The following CCN5 variants were observed in gnomAD, a reference collection of about 807,000 sequenced individuals.
CCN5 encodes cellular communication network factor 5.
In CCN5, 17 loss-of-function variants were observed where a neutral mutation model predicts 18.7. That is an observed-to-expected ratio of 0.91 (90% confidence interval 0.62 to 1.36). CCN5 has a LOEUF of 1.36. Among genes scored for constraint, CCN5 ranks in the 40% most tolerant of loss-of-function variants. The pLI is 0.00. For missense variants in CCN5, 367 were observed against 342.9 expected (o/e 1.07, Z -0.56); for synonymous variants, 135 against 145.2 (o/e 0.93, Z 0.50).
At chr20:44,715,720 TG>T (rs2065855377) in intron 1 of CCN5, among the ~76,000 whole-genome samples, 2 of 152,250 alleles carry the variant, frequency 1.3e-5, no homozygotes, top group African/African-American at 4.8e-5. Flanking sequence ...GTGAGGCCTC[TG>T]TGAAGACCAT....
intron 1 of CCN5, among the ~76,000 whole-genome samples, chr20:44,717,623 T>C (rs2015985735): frequency 6.6e-6 from 1 of 152,058 alleles, no homozygotes; most frequent in African/African-American, 2.4e-5. Flanking sequence ...ATGCCTGTAA[T>C]CCCAGCACTT....
chr20:44,723,347 G>C (rs548916264), intron 2 of CCN5, among the ~76,000 whole-genome samples: 181 of 149,354 alleles, frequency 1.2e-3, no homozygotes, highest in Admixed American at 1.9e-3. Context: ...TTGAGCATCT[G>C]CTATGTGCCA....
At chr20:44,721,959 A>G (rs962731526) in intron 2 of CCN5, among the ~76,000 whole-genome samples, 1 of 152,252 alleles carries the variant, frequency 6.6e-6, no homozygotes, top group Admixed American at 6.5e-5. Context: ...CCTGACATGC[A>G]GCAGTTGATT....
In CCN5 at chr20:44,715,511, T is replaced by G. The variant is rs952082884; in HGVS notation, c.60+61T>G. On this transcript the variant is annotated intron_variant, in intron 1 of 3. Coordinates refer to ENST00000190983, the MANE Select transcript of CCN5 (RefSeq NM_003881.4). ...TATTTGGGTGTGGAGGGGGTGGGGA[T>G]GTAAAATCGCAGCCAAGGACCCCCT... The G allele has an allele frequency of 6.5e-7, 1 of 1,532,292 alleles. No individual in the cohort carries two copies. The highest frequency in any genetic ancestry group is 2.4e-5 in the East Asian group (1 of 41,210). 94.9% of individuals were successfully genotyped at this position (1,532,292 alleles called of 1,614,324 possible).
Position 44,727,731 on chromosome 20 carries a change from G to A in CCN5, c.*424G>A, listed in dbSNP as rs1031707204. The A allele has an allele frequency of 3.0e-6, 1 of 328,148 alleles. No individual in the cohort carries two copies. 20.3% of individuals were successfully genotyped at this position (328,148 alleles called of 1,614,324 possible). A position where few individuals can be genotyped will look rare whatever the true frequency, so the allele number is the denominator to read the frequency against. On this transcript the variant is annotated 3_prime_UTR_variant, in exon 4 of 4. Transcript: ENST00000190983. ...CATTTTTCTGGGGGTAGGATGAAGA[G>A]AAGGCACACAGAGATTCTGGATCTC...
chr20:44,721,673 A>T (rs918782793), intron 2 of CCN5, among the ~76,000 whole-genome samples: 1 of 152,234 alleles, frequency 6.6e-6, no homozygotes, highest in Non-Finnish European at 1.5e-5. Context: ...CTTCGCTTAC[A>T]AAGCTGTTAT....
rs375534926 is a variant in CCN5, at chr20:44,724,899, C to A, written c.439C>A (p.His147Asn). The change falls in exon 3 of 4, where the codon CAC (histidine) becomes AAC (asparagine). Residue 147 changes from histidine to asparagine, a missense_variant. His to Asn is a moderately conservative substitution (Grantham distance 68, BLOSUM62 1). Coordinates refer to ENST00000190983, the MANE Select transcript of CCN5 (RefSeq NM_003881.4). ...GCGGCTGCCCAGCTGGGACTGCCCCCACCCCAGGAGGGTCGAGGTCCTGGG... is the reference window on the plus strand; with the variant it reads ...GCGGCTGCCCAGCTGGGACTGCCCCAACCCCAGGAGGGTCGAGGTCCTGGG... ...DVRLPSWDCP[H>N]PRRVEVLGKC... The A allele has an allele frequency of 1.3e-6, 2 of 1,593,794 alleles. No individual in the cohort carries two copies. Among genetic ancestry groups the A allele is most frequent in the Non-Finnish European group, 8.5e-7 (1 of 1,171,584 alleles).
chr20:44,719,856 C>A (rs1167198219), intron 1 of CCN5, 41 bp from the exon 2 acceptor site: 2 of 1,589,048 alleles, frequency 1.3e-6, no homozygotes, highest in Admixed American at 3.6e-5. Context: ...TCACTGCCCA[C>A]CTCGAAAGCC....
chr20:44,724,886 C>G lies in CCN5; in HGVS notation c.426C>G (p.Ser142Arg), dbSNP rs1309484467. The change falls in exon 3 of 4, where the codon AGC becomes AGG. Residue 142 changes from serine (S) to arginine (R), a missense_variant. Coordinates refer to ENST00000190983, the MANE Select transcript of CCN5 (RefSeq NM_003881.4). ...GCAGCGAGGATGTGCGGCTGCCCAG[C>G]TGGGACTGCCCCCACCCCAGGAGGG... ...PLCSEDVRLP[S>R]WDCPHPRRVE... 3.1e-6 allele frequency: 5 copies of G among 1,593,940 alleles called. No individual in the cohort carries two copies.
chr20:44,724,812 A>G lies in CCN5; in HGVS notation c.352A>G (p.Ser118Gly). Residue 118 changes from serine (S) to glycine (G), a missense_variant, in exon 3 of 4, where the codon AGC becomes GGC. By Grantham distance (56) the Ser-to-Gly change is moderately conservative. Coordinates refer to ENST00000190983, the MANE Select transcript of CCN5 (RefSeq NM_003881.4). Reference protein sequence around the residue: ...REGETFQPHCSIRCRCEDGGF... With the variant: ...REGETFQPHCGIRCRCEDGGF... ...AGGGGAGACCTTCCAGCCCCACTGC[A>G]GCATCCGCTGCCGCTGCGAGGACGG... The G allele has an allele frequency of 2.5e-6, 4 of 1,611,492 alleles. No homozygotes were observed. Among genetic ancestry groups the G allele is most frequent in the Non-Finnish European group, 2.5e-6 (3 of 1,179,474 alleles).
intron 2 of CCN5, chr20:44,720,490 T>C (rs947327408): frequency 2.5e-5 from 8 of 320,844 alleles, no homozygotes; most frequent in Admixed American, 5.1e-5. Flanking sequence ...TGCAACCTTT[T>C]AGGGCATAAT....
Position 44,720,023 on chromosome 20 carries a change from C to G in CCN5, c.187C>G (p.Pro63Ala). The G allele has an allele frequency of 6.2e-7, 1 of 1,606,278 alleles. No individual in the cohort carries two copies. The change falls in exon 2 of 4, where the codon CCC (proline) becomes GCC (alanine). Residue 63 changes from proline (P) to alanine (A), a missense_variant. Physicochemically the swap from Pro to Ala is conservative, Grantham distance 27 (BLOSUM62 -1). Coordinates refer to ENST00000190983, the MANE Select transcript of CCN5 (RefSeq NM_003881.4). ...GGTATGTGCACGGCGGCTGGGGGAG[C>G]CCTGCGACCAACTCCACGTCTGCGA... ...CRVCARRLGE[P>A]CDQLHVCDAS...
chr20:44,718,452 T>C (rs1427135750), intron 1 of CCN5, among the ~76,000 whole-genome samples: 1 of 152,112 alleles, frequency 6.6e-6, no homozygotes, highest in South Asian at 2.1e-4. Context: ...AACTCAAACT[T>C]GGCCCCCCAA....
intron 2 of CCN5, among the ~76,000 whole-genome samples, chr20:44,721,845 G>A (rs879729373): frequency 3.9e-5 from 6 of 152,114 alleles, no homozygotes; most frequent in Non-Finnish European, 8.8e-5. Flanking sequence ...GAAAAAAGGG[G>A]TACAGAGAGG....
intron 3 of CCN5, 31 bp downstream of exon 3, chr20:44,725,023 G>GGAC: frequency 6.7e-7 from 1 of 1,500,982 alleles, no homozygotes; most frequent in South Asian, 1.4e-5. Flanking sequence ...GGTCAGGGCA[G>GGAC]GACTGCCTGG....
intron 2 of CCN5, chr20:44,724,450 A>G: frequency 2.1e-6 from 1 of 487,340 alleles, no homozygotes; most frequent in Non-Finnish European, 3.6e-6. Context: ...AAATGTGGAA[A>G]CTGAGGCAAG....
In CCN5 at chr20:44,724,805, C is replaced by G. The variant is rs148068865; in HGVS notation, c.345C>G (p.Pro115=). Residue 115 remains proline (P), a synonymous_variant, in exon 3 of 4, where the codon CCC becomes CCG. Coordinates refer to ENST00000190983, the MANE Select transcript of CCN5 (RefSeq NM_003881.4). The stretch of plus-strand genomic sequence containing the variant: ...ATCGGGAAGGGGAGACCTTCCAGCC[C>G]CACTGCAGCATCCGCTGCCGCTGCG... ...RLYREGETFQ[P]HCSIRCRCED... is the part of the protein sequence containing the mutation. 2,121 of 1,612,176 alleles carry G rather than the reference C, an allele frequency of 1.3e-3. 24 individuals carry two copies. In the South Asian group the frequency reaches 0.015, roughly 11 times the overall value.
intron 3 of CCN5, 33 bp from the exon 4 acceptor site, chr20:44,727,054 G>A (rs193222703): frequency 4.6e-5 from 69 of 1,501,142 alleles, no homozygotes; most frequent in Admixed American, 4.0e-4. Context: ...AGCCCTGGCT[G>A]CTCAGTGCTA....
chr20:44,722,465 C>CTT (rs11341536), intron 2 of CCN5, among the ~76,000 whole-genome samples: 7,311 of 106,608 alleles, frequency 0.069, 472 homozygotes, highest in Non-Finnish European at 0.092. Context: ...ATCTCTCTCT[C>CTT]TTTTTTTTTT....
Sources: gnomAD v4.1 joint callset for allele counts (sites outside exome capture counted in the v4.1 genomes callset) on GRCh38, gnomAD v4.1.1 for gene constraint, MANE v1.5 for transcripts, NCBI Gene and HGNC (gene_info 2026-07-23, HGNC 2026-07-21) for gene names.